Variants in ZNF585A observed in about 807,000 individuals in gnomAD.
The protein encoded by ZNF585A is zinc finger protein 585A.
ZNF585A carries 9 observed loss-of-function variants against 14.9 expected under a neutral mutation model. The ratio of observed to expected loss-of-function variants is 0.60; its 90% CI spans 0.36 to 1.05. ZNF585A has a LOEUF of 1.05. Ranked by LOEUF, ZNF585A falls within the 50% of genes least tolerant of loss-of-function variation. The pLI is 0.01. For synonymous variants in ZNF585A, 276 were observed against 319.9 expected (o/e 0.86, Z 1.46); for missense variants, 726 against 926.4 (o/e 0.78, Z 2.81).
At chr19:37,167,928 C>G (rs1177975345) in intron 2 of ZNF585A, among the ~76,000 whole-genome samples, 1 of 152,158 alleles carries the variant, frequency 6.6e-6, no homozygotes, top group Non-Finnish European at 1.5e-5. Flanking sequence ...CCGCCCCAGA[C>G]CTTACTTTTT....
chr19:37,152,323 T>A lies in ZNF585A; in HGVS notation c.1576A>T (p.Thr526Ser). The part of the protein sequence containing the change: ...HTGEKPYECN[T>S]CGKAFTQKSH... ...TTCTGAGTGAAGGCTTTTCCACAAGTATTGCATTCATAAGGCTTCTCCCCA... is the reference window on the plus strand; with the variant it reads ...TTCTGAGTGAAGGCTTTTCCACAAGAATTGCATTCATAAGGCTTCTCCCCA... Residue 526 changes from threonine to serine, a missense_variant, in exon 5 of 5, where the codon ACT becomes TCT. By Grantham distance (58) the Thr-to-Ser change is moderately conservative. Transcript: ENST00000292841. The A allele has an allele frequency of 6.2e-7, 1 of 1,613,586 alleles. No individual in the cohort carries two copies. Among genetic ancestry groups the A allele is most frequent in the Non-Finnish European group, 8.5e-7 (1 of 1,179,890 alleles).
At chr19:37,161,523 C>T (rs565381979) in intron 2 of ZNF585A, among the ~76,000 whole-genome samples, 1 of 152,094 alleles carries the variant, frequency 6.6e-6, no homozygotes, top group African/African-American at 2.4e-5. Context: ...TTGAACTACG[C>T]AAGTCCACAG....
Position 37,149,398 on chromosome 19 carries a change from A to T in ZNF585A, c.*2191T>A. On this transcript the variant is annotated 3_prime_UTR_variant, in exon 5 of 5. Transcript: ENST00000292841. ...ATTATAATATTGTTACAATAAATAT[A>T]TAAGAGAAATAATCAAAAGTCATTT... 1 of 152,348 alleles carries T rather than the reference A, an allele frequency of 6.6e-6. No individual in the cohort carries two copies. Among genetic ancestry groups the T allele is most frequent in the Non-Finnish European group, 1.5e-5 (1 of 68,040 alleles). 9.4% of individuals were successfully genotyped at this position (152,348 alleles called of 1,614,324 possible).
rs2145398646 is a variant in ZNF585A at position 37,153,376 on chromosome 19, T to C, written c.523A>G (p.Ile175Val). The change falls in exon 5 of 5, where the codon ATA becomes GTA. Residue 175 changes from isoleucine to valine, a missense_variant. Coordinates refer to ENST00000292841, the MANE Select transcript of ZNF585A (RefSeq NM_001288800.2). Reference sequence around the variant, plus strand: ...TCTCTCATATGGGTTTTCTGGTGTATAATAAATTCTGGCTTCTGTACAAAA... The same window carrying C: ...TCTCTCATATGGGTTTTCTGGTGTACAATAAATTCTGGCTTCTGTACAAAA... ...KAFVQKPEFI[I>V]HQKTHMREKP... is the part of the protein sequence containing the mutation. 5 of 1,614,034 alleles carry C rather than the reference T, an allele frequency of 3.1e-6. No homozygotes were observed. In the South Asian group the frequency reaches 4.4e-5, roughly 14 times the overall value.
intron 2 of ZNF585A, among the ~76,000 whole-genome samples, chr19:37,169,264 C>T (rs925620306): frequency 2.0e-5 from 3 of 151,688 alleles, no homozygotes; most frequent in African/African-American, 7.3e-5. Flanking sequence ...AAATAAATTA[C>T]AGTTATTAAA....
In ZNF585A at chr19:37,150,072, A is replaced by G. The variant is rs951904395; in HGVS notation, c.*1517T>C. ...TAGTGATTAATGGGCATCAACAGACATTGGGCTAGTTTTTGTTTTTTTTTT... is the reference window on the plus strand; with the variant it reads ...TAGTGATTAATGGGCATCAACAGACGTTGGGCTAGTTTTTGTTTTTTTTTT... On this transcript the variant is annotated 3_prime_UTR_variant, in exon 5 of 5. Transcript: ENST00000292841. 2 of 151,674 alleles carry G rather than the reference A, an allele frequency of 1.3e-5. No individual in the cohort carries two copies. The highest frequency in any genetic ancestry group is 4.8e-5 in the African/African-American group (2 of 41,272). The allele number at this position is 151,674 out of a possible 1,614,324, so 9.4% of individuals were successfully genotyped here.
intron 2 of ZNF585A, among the ~76,000 whole-genome samples, chr19:37,168,357 T>C (rs1972129598): frequency 6.6e-6 from 1 of 152,192 alleles, no homozygotes; most frequent in African/African-American, 2.4e-5. Flanking sequence ...AGCTAACTCA[T>C]GGTGTTCTCC....
At position 37,150,428 on chromosome 19, in the gene ZNF585A, T is replaced by C. The variant is rs1971809009; in HGVS notation, c.*1161A>G. On this transcript the variant is annotated 3_prime_UTR_variant, in exon 5 of 5. Coordinates refer to ENST00000292841, the MANE Select transcript of ZNF585A (RefSeq NM_001288800.2). ...ACACCACTGTCCCCTATTCTGAGGG[T>C]TGTAATAAGTGGTCATCACACAGAA... 6.6e-6 allele frequency: 1 copy of C among 152,000 alleles called. No individual in the cohort carries two copies. Among genetic ancestry groups the C allele is most frequent in the African/African-American group, 2.4e-5 (1 of 41,366 alleles). 9.4% of individuals were successfully genotyped at this position (152,000 alleles called of 1,614,324 possible).
At chr19:37,172,200 GACATT>G (rs1329422376) in intron 1 of ZNF585A, among the ~76,000 whole-genome samples, 2 of 152,062 alleles carry the variant, frequency 1.3e-5, no homozygotes, top group African/African-American at 4.8e-5. Flanking sequence ...CCATTAAACA[GACATT>G]ACTTTAAAAA....
chr19:37,160,333 A>C (rs112263309), intron 2 of ZNF585A, among the ~76,000 whole-genome samples: 59,503 of 149,172 alleles, frequency 0.4, 12,440 homozygotes, highest in African/African-American at 0.53. Context: ...CAGAGCCAGA[A>C]CCTGTCTCAA....
chr19:37,147,238 T>C lies in ZNF585A; in HGVS notation c.*4351A>G, dbSNP rs1971754823. 6.6e-6 allele frequency: 1 copy of C among 152,182 alleles called. No individual in the cohort carries two copies. Among genetic ancestry groups the C allele is most frequent in the Non-Finnish European group, 1.5e-5 (1 of 68,060 alleles). 9.4% of individuals were successfully genotyped at this position (152,182 alleles called of 1,614,324 possible). On this transcript the variant is annotated 3_prime_UTR_variant, in exon 5 of 5. Transcript: ENST00000292841. ...GGGAGCAGCAAGTGAGCTCTACAGA[T>C]GTGTTACTTCAATGGCAGGATAAGA... is the stretch of plus-strand genomic sequence containing the variant.
At chr19:37,158,388 T>G (rs569456085) in intron 2 of ZNF585A, among the ~76,000 whole-genome samples, 1 of 152,306 alleles carries the variant, frequency 6.6e-6, no homozygotes, top group Admixed American at 6.5e-5. Flanking sequence ...AAACCAGCTC[T>G]CATGTGCCTG....
At chr19:37,155,126 G>A (rs978852406) in intron 4 of ZNF585A, among the ~76,000 whole-genome samples, 10 of 149,200 alleles carry the variant, frequency 6.7e-5, no homozygotes, top group Admixed American at 1.4e-4. Flanking sequence ...TCAGCCTCCC[G>A]AGTAGCTGGG....
intron 4 of ZNF585A, 74 bp downstream of exon 4, chr19:37,155,791 G>T: frequency 6.7e-7 from 1 of 1,498,362 alleles, no homozygotes; most frequent in East Asian, 2.3e-5. Context: ...TATTCCAAGG[G>T]TGTTGGTGTT....
chr19:37,151,248 G>T lies in ZNF585A; in HGVS notation c.*341C>A. Reference sequence around the variant, plus strand: ...TTGTTGGCACTATACCTAATCCACAGTAAACAGGATTATCGTTAACTTAAT... The same window carrying T: ...TTGTTGGCACTATACCTAATCCACATTAAACAGGATTATCGTTAACTTAAT... On this transcript the variant is annotated 3_prime_UTR_variant, in exon 5 of 5. Transcript: ENST00000292841. 1 of 430,552 alleles carries T rather than the reference G, an allele frequency of 2.3e-6. No homozygotes were observed. Among genetic ancestry groups the T allele is most frequent in the Non-Finnish European group, 4.1e-6 (1 of 244,196 alleles). The allele number at this position is 430,552 out of a possible 1,614,324, so 26.7% of individuals were successfully genotyped here.
chr19:37,151,344 A>C lies in ZNF585A; in HGVS notation c.*245T>G. 6.5e-6 allele frequency: 3 copies of C among 462,842 alleles called. No individual in the cohort carries two copies. The highest frequency in any genetic ancestry group is 1.1e-5 in the Non-Finnish European group (3 of 263,172). 28.7% of individuals were successfully genotyped at this position (462,842 alleles called of 1,614,324 possible). A position where few individuals can be genotyped will look rare whatever the true frequency, so the allele number is the denominator to read the frequency against. On this transcript the variant is annotated 3_prime_UTR_variant, in exon 5 of 5. Coordinates refer to ENST00000292841, the MANE Select transcript of ZNF585A (RefSeq NM_001288800.2). ...TTTCATGAGAAGGCTTTTCCTATTC[A>C]CCAAATTGACTCGGTTCCTTGTCAG...
rs1273112915 is a variant in ZNF585A, at chr19:37,148,584, G to A, written c.*3005C>T. 6.6e-6 allele frequency: 1 copy of A among 152,150 alleles called. No individual in the cohort carries two copies. The highest frequency in any genetic ancestry group is 2.4e-5 in the African/African-American group (1 of 41,428). 9.4% of individuals were successfully genotyped at this position (152,150 alleles called of 1,614,324 possible). Reference sequence around the variant, plus strand: ...CTTCATCTTGATTGTGGTGTTGATTGCATGATTAGATACAACTGTCAAAAC... The same window carrying A: ...CTTCATCTTGATTGTGGTGTTGATTACATGATTAGATACAACTGTCAAAAC... On this transcript the variant is annotated 3_prime_UTR_variant, in exon 5 of 5. Coordinates refer to ENST00000292841, the MANE Select transcript of ZNF585A (RefSeq NM_001288800.2).
At position 37,147,063 on chromosome 19, in the gene ZNF585A, G is replaced by A. The variant is rs548113596; in HGVS notation, c.*4526C>T. 6 of 152,286 alleles carry A rather than the reference G, an allele frequency of 3.9e-5. No homozygotes were observed. Among genetic ancestry groups the A allele is most frequent in the South Asian group, 4.1e-4 (2 of 4,824 alleles). The allele number at this position is 152,286 out of a possible 1,614,324, so 9.4% of individuals were successfully genotyped here. Reference sequence around the variant, plus strand: ...GCTTTGAGCTGGCACCGTGCTGGGCGCCTGGTATACAGCAGAAACAGGACA... The same window carrying A: ...GCTTTGAGCTGGCACCGTGCTGGGCACCTGGTATACAGCAGAAACAGGACA... On this transcript the variant is annotated 3_prime_UTR_variant, in exon 5 of 5. Transcript: ENST00000292841.
In ZNF585A at chr19:37,151,864, T is replaced by C. The variant is rs1252499550; in HGVS notation, c.2035A>G (p.Thr679Ala). The C allele has an allele frequency of 1.2e-6, 2 of 1,612,368 alleles. No homozygotes were observed. Among genetic ancestry groups the C allele is most frequent in the African/African-American group, 1.3e-5 (1 of 74,524 alleles). Residue 679 changes from threonine (T) to alanine (A), a missense_variant, in exon 5 of 5, where the codon ACA becomes GCA. Physicochemically the swap from Thr to Ala is moderately conservative, Grantham distance 58 (BLOSUM62 0). Around this residue, in one of 2 missense-constraint regions of ZNF585A, gnomAD observed 243 missense variants for 383.6 expected, o/e 0.63. Coordinates refer to ENST00000292841, the MANE Select transcript of ZNF585A (RefSeq NM_001288800.2). ...TCTCCAGTATGAATTCTGTGATGTG[T>C]AATCAACTCTGACTTCTGTCGAAAG... ...KTFRQKSELI[T>A]HHRIHTGEKP...
Sources: gnomAD v4.1 joint callset for allele counts (sites outside exome capture counted in the v4.1 genomes callset) on GRCh38, gnomAD v4.1.1 for gene constraint, gnomAD v4.1.1 regional missense constraint, MANE v1.5 for transcripts, NCBI Gene and HGNC (gene_info 2026-07-23, HGNC 2026-07-21) for gene names.